Variants in ITPA observed in about 807,000 individuals in gnomAD.
ITPA encodes the protein inosine triphosphate pyrophosphatase.
ITPA carries 29 observed loss-of-function variants against 29.6 expected under a neutral mutation model. That is an observed-to-expected ratio of 0.98 (90% confidence interval 0.73 to 1.34). The LOEUF (loss-of-function observed/expected upper bound fraction) is 1.34, where lower values mean the gene tolerates loss of function less well. ITPA is among the 40% of genes most tolerant of loss of function. The probability of loss-of-function intolerance (pLI) is 0.00; values close to 1 mark genes in which losing one functional copy is unlikely to be tolerated. For synonymous variants in ITPA, 103 were observed against 99.3 expected (o/e 1.04, Z -0.22); for missense variants, 241 against 251.5 (o/e 0.96, Z 0.28).
At chr20:3,211,556 G>A (rs930076024) in intron 1 of ITPA, among the ~76,000 whole-genome samples, 2 of 151,738 alleles carry the variant, frequency 1.3e-5, no homozygotes, top group African/African-American at 4.8e-5. Context: ...GCAGTGGCAC[G>A]ATCTCAGCTC....
At chr20:3,206,959 A>T (rs186596444), upstream of ITPA, among the ~76,000 whole-genome samples, 18 of 152,212 alleles carry the variant, frequency 1.2e-4, no homozygotes, top group African/African-American at 4.3e-4. Context: ...GGTTGCAGTG[A>T]GCCGGGACCA....
intron 1 of ITPA, among the ~76,000 whole-genome samples, chr20:3,212,294 A>G (rs1203532152): frequency 2.0e-5 from 3 of 152,172 alleles, no homozygotes; most frequent in East Asian, 3.8e-4. Flanking sequence ...AAAGGATTCA[A>G]TCTACCAATG....
In ITPA at chr20:3,218,501, C is replaced by A; in HGVS notation, c.296-16C>A. On this transcript the variant is annotated splice_polypyrimidine_tract_variant and intron_variant, in intron 5 of 7. Coordinates refer to ENST00000380113, the MANE Select transcript of ITPA (RefSeq NM_033453.4). ...GGCCATTAGGGATGCACTGAGCCCT[C>A]ACTGCCCACCCGCAGGTCTCCACCA... 6.3e-7 allele frequency: 1 copy of A among 1,591,976 alleles called. No individual in the cohort carries two copies. Among genetic ancestry groups the A allele is most frequent in the Non-Finnish European group, 8.6e-7 (1 of 1,160,122 alleles).
chr20:3,216,457 C>CTT (rs550453496), intron 5 of ITPA, among the ~76,000 whole-genome samples: 28 of 125,464 alleles, frequency 2.2e-4, no homozygotes, highest in African/African-American at 7.7e-4. Flanking sequence ...CATGCCTGGC[C>CTT]TTTTTTTTTT....
In ITPA at chr20:3,221,901, G is replaced by T; in HGVS notation, c.472G>T (p.Asp158Tyr). The change falls in exon 7 of 8, where the codon GAT (aspartate) becomes TAT (tyrosine). Residue 158 changes from aspartate (D) to tyrosine (Y), a missense_variant. Asp to Tyr is a radical substitution (Grantham distance 160). Transcript: ENST00000380113. Reference sequence around the variant, plus strand: ...TGGCTGGGACCCCTGCTTTCAGCCTGATGGATATGAGCAGACGTAAGGAGC... The same window carrying T: ...TGGCTGGGACCCCTGCTTTCAGCCTTATGGATATGAGCAGACGTAAGGAGC... The part of the protein sequence containing the change: ...DFGWDPCFQP[D>Y]GYEQTYAEMP... 6.2e-7 allele frequency: 1 copy of T among 1,613,990 alleles called. No individual in the cohort carries two copies. Among genetic ancestry groups the T allele is most frequent in the Non-Finnish European group, 8.5e-7 (1 of 1,180,006 alleles).
intron 1 of ITPA, among the ~76,000 whole-genome samples, chr20:3,210,787 A>G (rs751620726): frequency 8.5e-5 from 13 of 152,110 alleles, no homozygotes; most frequent in Non-Finnish European, 1.6e-4. Flanking sequence ...GCAGTGCCTC[A>G]CGCCTGTAAT....
chr20:3,214,039 G>A lies in ITPA; in HGVS notation c.244G>A (p.Gly82Arg), dbSNP rs1415321846. Reference sequence around the variant, plus strand: ...TTGTCTGTGCTTCAATGCCCTTGGAGGGCTCCCCGGCCCCTACATGTGAGT... The same window carrying A: ...TTGTCTGTGCTTCAATGCCCTTGGAAGGCTCCCCGGCCCCTACATGTGAGT... ...DTCLCFNALG[G>R]LPGPYIKWFL... Residue 82 changes from glycine to arginine, a missense_variant, in exon 4 of 8, where the codon GGG becomes AGG. Physicochemically the swap from Gly to Arg is moderately radical, Grantham distance 125 (BLOSUM62 -2). Transcript: ENST00000380113. 1 of 1,614,202 alleles carries A rather than the reference G, an allele frequency of 6.2e-7. No individual in the cohort carries two copies. Among genetic ancestry groups the A allele is most frequent in the Admixed American group, 1.7e-5 (1 of 60,018 alleles).
At chr20:3,206,828 CA>C (rs1338065685), upstream of ITPA, among the ~76,000 whole-genome samples, 3,624 of 83,824 alleles carry the variant, frequency 0.043, 108 homozygotes, top group African/African-American at 0.12. Context: ...GAGACTGTCT[CA>C]AAAAAAAAAA....
intron 5 of ITPA, 66 bp from the exon 6 acceptor site, chr20:3,218,451 C>T: frequency 9.0e-7 from 1 of 1,113,826 alleles, no homozygotes; most frequent in Non-Finnish European, 1.4e-6. Flanking sequence ...CCTTAGTGGG[C>T]GTCTTGGGAG....
intron 1 of ITPA, 132 bp from the exon 2 acceptor site, chr20:3,213,037 C>T: frequency 1.1e-6 from 1 of 937,684 alleles, no homozygotes; most frequent in African/African-American, 1.6e-5. Flanking sequence ...CGGGGTGAGG[C>T]CCACAGGCCT....
chr20:3,219,898 C>T (rs1220365632), intron 6 of ITPA, among the ~76,000 whole-genome samples: 2 of 151,434 alleles, frequency 1.3e-5, no homozygotes, highest in East Asian at 1.9e-4. Flanking sequence ...AATAAATAGC[C>T]GGACATGGTG....
At chr20:3,212,560 A>G (rs527786087) in intron 1 of ITPA, among the ~76,000 whole-genome samples, 6 of 152,324 alleles carry the variant, frequency 3.9e-5, no homozygotes, top group East Asian at 1.9e-4. Context: ...GGCTCAAGCA[A>G]TCTGCCCACC....
chr20:3,218,385 C>G, intron 5 of ITPA, 132 bp from the exon 6 acceptor site: 1 of 724,708 alleles, frequency 1.4e-6, no homozygotes, highest in Non-Finnish European at 2.5e-6. Context: ...CTCTGCCGCC[C>G]CCGCTACCCC....
chr20:3,222,972 C>G (rs2122455324), intron 7 of ITPA, among the ~76,000 whole-genome samples: 1 of 152,300 alleles, frequency 6.6e-6, no homozygotes, highest in Non-Finnish European at 1.5e-5. Context: ...GGCCCCTGGC[C>G]AGCTGTTCAA....
Position 3,212,465 on chromosome 20 carries a change from C to G in ITPA, c.67-704C>G, listed in dbSNP as rs758072488. ...CCTCTTGAGTAGCTGGAACTTCAGG[C>G]ACATGCCACTATGCCCAGCTAATTT... On this transcript the variant is annotated intron_variant, in intron 1 of 7. Transcript: ENST00000380113. Among the ~76,000 whole-genome samples, 478 of 152,184 alleles carry G rather than the reference C, an allele frequency of 3.1e-3. 8 individuals carry two copies. The highest frequency in any genetic ancestry group is 1.2e-3 in the Non-Finnish European group (82 of 68,010).
At chr20:3,219,638 G>T (rs971797730) in intron 6 of ITPA, among the ~76,000 whole-genome samples, 1 of 151,684 alleles carries the variant, frequency 6.6e-6, no homozygotes, top group Non-Finnish European at 1.5e-5. Context: ...CCAGCTACTG[G>T]GGAGGCTGAG....
chr20:3,225,434 T>C (rs1276870553), downstream of ITPA, among the ~76,000 whole-genome samples: 5 of 152,052 alleles, frequency 3.3e-5, no homozygotes, highest in Non-Finnish European at 5.9e-5. Context: ...TGATAACCAG[T>C]GGCCAGTGGT....
intron 6 of ITPA, among the ~76,000 whole-genome samples, chr20:3,221,497 TTCTG>T (rs2067461030): frequency 6.7e-6 from 1 of 149,498 alleles, no homozygotes; most frequent in Non-Finnish European, 1.5e-5. Context: ...AGAAAACGTT[TTCTG>T]TCTATCTTTC....
At chr20:3,226,472 T>TCTCC (rs897739319), downstream of ITPA, among the ~76,000 whole-genome samples, 4 of 152,206 alleles carry the variant, frequency 2.6e-5, no homozygotes, top group African/African-American at 7.2e-5. This position sits in a 1 kb window ranked among gnomAD's most constrained non-coding sequence, Gnocchi z 4.4. Context: ...GGGCTCCTGA[T>TCTCC]CTCCCACTCA....
Sources: allele counts gnomAD v4.1 joint callset (sites outside exome capture counted in the v4.1 genomes callset), GRCh38; gene constraint gnomAD v4.1.1; non-coding constraint Gnocchi (gnomAD v3.1); transcripts MANE v1.5; gene names NCBI Gene and HGNC (gene_info 2026-07-23, HGNC 2026-07-21).